Variants in MYO7B observed in about 807,000 individuals in gnomAD.
MYO7B encodes the protein unconventional myosin-VIIb.
A neutral mutation model predicts 259.7 loss-of-function variants in MYO7B; 212 were observed. That is an observed-to-expected ratio of 0.82 (90% CI 0.73 to 0.91). MYO7B has a LOEUF of 0.91. Ranked by LOEUF, MYO7B falls within the 40% of genes least tolerant of loss-of-function variation. MYO7B has a pLI of 0.00. For synonymous variants in MYO7B, 1,197 were observed against 1,166.4 expected (o/e 1.03, Z -0.54); for missense variants, 2,732 against 2,813.5 (o/e 0.97, Z 0.66).
intron 24 of MYO7B, 85 bp from the exon 25 acceptor site, chr2:127,612,165 G>T: frequency 2.0e-6 from 1 of 503,068 alleles, no homozygotes; most frequent in South Asian, 1.5e-5. Context: ...AAAGGGACAC[G>T]TGCTCCACCC....
intron 2 of MYO7B, among the ~76,000 whole-genome samples, chr2:127,562,442 G>A (rs921035433): frequency 6.1e-5 from 9 of 147,468 alleles, no homozygotes; most frequent in East Asian, 4.0e-4. Flanking sequence ...GATTACAGGC[G>A]CCCACCACCA....
chr2:127,600,115 AT>A (rs1161208875), intron 19 of MYO7B, among the ~76,000 whole-genome samples: 1 of 152,170 alleles, frequency 6.6e-6, no homozygotes, highest in Admixed American at 6.5e-5. Context: ...TCCAGTGAAA[AT>A]ATCTGGGCCT....
intron 19 of MYO7B, 107 bp downstream of exon 19, chr2:127,596,663 T>A (rs1679782047): frequency 1.1e-6 from 1 of 890,700 alleles, no homozygotes; most frequent in Non-Finnish European, 1.8e-6. Context: ...GGGCCCTCCC[T>A]GGGGTTACTG....
In MYO7B at chr2:127,559,612, G is replaced by T; in HGVS notation, c.-23-88G>T. On this transcript the variant is annotated intron_variant, in intron 1 of 47. Transcript: ENST00000409816. This position sits in a 1 kb window ranked among gnomAD's most constrained non-coding sequence, Gnocchi z 4.1. ...TCCCATGCCGGGCACTTAGGGAAGT[G>T]TTGGTGAACAAGCCCAGCTCCTGTG... 3 of 1,233,272 alleles carry T rather than the reference G, an allele frequency of 2.4e-6. No individual in the cohort carries two copies. The highest frequency in any genetic ancestry group is 2.3e-5 in the East Asian group (1 of 42,912). The allele number at this position is 1,233,272 out of a possible 1,614,324, so 76.4% of individuals were successfully genotyped here. A position where few individuals can be genotyped will look rare whatever the true frequency, so the allele number is the denominator to read the frequency against.
intron 1 of MYO7B, among the ~76,000 whole-genome samples, chr2:127,548,190 T>C (rs1693311405): frequency 1.3e-5 from 2 of 152,190 alleles, no homozygotes; most frequent in South Asian, 4.1e-4. Context: ...AATTTGTGTC[T>C]TCTCTTTGCT....
At chr2:127,587,524 CTCTGTGTGTG>C (rs1271611509) in intron 14 of MYO7B, among the ~76,000 whole-genome samples, 1 of 151,672 alleles carries the variant, frequency 6.6e-6, no homozygotes, top group African/African-American at 2.4e-5. Context: ...CCTTCCTTCT[CTCTGTGTGTG>C]TCTGTGTCCT....
chr2:127,637,111 T>G, intron 47 of MYO7B, 198 bp downstream of exon 47: 1 of 1,066,078 alleles, frequency 9.4e-7, no homozygotes, highest in Non-Finnish European at 1.4e-6. Flanking sequence ...CGGGACCCCC[T>G]GCGCCCTTGG....
rs1681922584 is a variant in MYO7B at position 127,637,561 on chromosome 2, G to A, written c.*144G>A. On this transcript the variant is annotated 3_prime_UTR_variant, in exon 48 of 48. Coordinates refer to ENST00000409816, the MANE Select transcript of MYO7B (RefSeq NM_001393586.1). ...ATACAAAGCCCACTCAGCCCCGCAGGCGGCCCCCTCTGTCCTGGGCGCTGC... is the reference window on the plus strand; with the variant it reads ...ATACAAAGCCCACTCAGCCCCGCAGACGGCCCCCTCTGTCCTGGGCGCTGC... 2 of 636,222 alleles carry A rather than the reference G, an allele frequency of 3.1e-6. No individual in the cohort carries two copies. Among genetic ancestry groups the A allele is most frequent in the East Asian group, 5.6e-5 (2 of 35,472 alleles). 39.4% of individuals were successfully genotyped at this position (636,222 alleles called of 1,614,324 possible).
At chr2:127,574,446 A>G (rs572982056) in intron 7 of MYO7B, among the ~76,000 whole-genome samples, 1 of 152,348 alleles carries the variant, frequency 6.6e-6, no homozygotes, top group South Asian at 2.1e-4. Context: ...AAGCTGAGGC[A>G]TGAGAATTGC....
In MYO7B at chr2:127,631,320, C is replaced by G. The variant is rs201376272; in HGVS notation, c.5052C>G (p.His1684Gln). 10 of 1,611,766 alleles carry G rather than the reference C, an allele frequency of 6.2e-6. No homozygotes were observed. Among genetic ancestry groups the G allele is most frequent in the Admixed American group, 1.7e-5 (1 of 59,958 alleles). Residue 1684 changes from histidine (H) to glutamine (Q), a missense_variant, in exon 37 of 48, where the codon CAC becomes CAG. By Grantham distance (24) the His-to-Gln change is conservative. Around this residue, in one of 3 missense-constraint regions of MYO7B, gnomAD observed 821 missense variants for 769.3 expected, o/e 1.07. Coordinates refer to ENST00000409816, the MANE Select transcript of MYO7B (RefSeq NM_001393586.1). ...GACAGCCGCTGCTCAAGCGAGTCCA[C>G]GCCAACGTCGACCTCTGGGACATCG... ...PLRQPLLKRVHANVDLWDIAC... is the reference protein window; with the variant it reads ...PLRQPLLKRVQANVDLWDIAC...
In MYO7B at chr2:127,592,918, T is replaced by C. The variant is rs1679621945; in HGVS notation, c.2117T>C (p.Val706Ala). Residue 706 changes from valine (V) to alanine (A), a missense_variant, in exon 17 of 48, where the codon GTG (valine) becomes GCG (alanine). Val to Ala is a moderately conservative substitution (Grantham distance 64). Around this residue, in one of 3 missense-constraint regions of MYO7B, gnomAD observed 1,906 missense variants for 2,026.4 expected, o/e 0.94. Coordinates refer to ENST00000409816, the MANE Select transcript of MYO7B (RefSeq NM_001393586.1). ...GAGGAGTTCTCGCAGAGGTTCGGCG[T>C]GTTGCTGCCCAACGCCATGCGGATG... is the stretch of plus-strand genomic sequence containing the variant. ...TFEEFSQRFG[V>A]LLPNAMRMQL... The C allele has an allele frequency of 6.2e-7, 1 of 1,603,246 alleles. No individual in the cohort carries two copies.
intron 1 of MYO7B, among the ~76,000 whole-genome samples, chr2:127,554,999 A>G (rs945070543): frequency 6.9e-6 from 1 of 145,842 alleles, no homozygotes; most frequent in Non-Finnish European, 1.5e-5. Context: ...CCCAGGCTGG[A>G]GCACAGTGGC....
At position 127,609,577 on chromosome 2, in the gene MYO7B, G is replaced by A. The variant is rs1266471112; in HGVS notation, c.2886G>A (p.Glu962=). 43 of 1,613,880 alleles carry A rather than the reference G, an allele frequency of 2.7e-5. No homozygotes were observed. Among genetic ancestry groups the A allele is most frequent in the Non-Finnish European group, 3.6e-5 (42 of 1,179,894 alleles). Reference sequence around the variant, plus strand: ...CAGTCCCCATGGCGGAGGAGCCTGAGGAGGATGTGGATGGCCTGGCCGAGT... The same window carrying A: ...CAGTCCCCATGGCGGAGGAGCCTGAAGAGGATGTGGATGGCCTGGCCGAGT... The part of the protein sequence containing the change: ...LDTVPMAEEP[E]EDVDGLAEYT... Residue 962 remains glutamate, a synonymous_variant, in exon 23 of 48, where the codon GAG becomes GAA. Transcript: ENST00000409816. This position sits in a 1 kb window ranked among gnomAD's most constrained non-coding sequence, Gnocchi z 6.9.
chr2:127,635,063 T>TGG, intron 42 of MYO7B, 57 bp from the exon 43 acceptor site: 1 of 1,426,024 alleles, frequency 7.0e-7, no homozygotes, highest in Non-Finnish European at 9.7e-7. Context: ...TGGCAGGGGG[T>TGG]CAGGGCTGGT....
At chr2:127,630,133 T>C (rs1225887988) in intron 35 of MYO7B, among the ~76,000 whole-genome samples, 20 of 152,124 alleles carry the variant, frequency 1.3e-4, no homozygotes, top group Admixed American at 1.3e-3. Flanking sequence ...CTCAAGTCTC[T>C]CCCTGCACAA....
At chr2:127,635,295 A>G (rs1230602181) in intron 43 of MYO7B, 69 bp downstream of exon 43, 2 of 1,435,464 alleles carry the variant, frequency 1.4e-6, no homozygotes, top group African/African-American at 2.8e-5. Flanking sequence ...CTGAGGCTGT[A>G]GAAGCCAGCA....
chr2:127,564,287 T>C (rs1205090930), intron 3 of MYO7B, 21 bp downstream of exon 3: 2 of 1,533,898 alleles, frequency 1.3e-6, no homozygotes, highest in Non-Finnish European at 1.8e-6. Context: ...TGGGGTTTCC[T>C]CTGGGCCCTG....
At position 127,635,921 on chromosome 2, in the gene MYO7B, C is replaced by T; in HGVS notation, c.6006+14C>T. On this transcript the variant is annotated intron_variant, in intron 44 of 47. Coordinates refer to ENST00000409816, the MANE Select transcript of MYO7B (RefSeq NM_001393586.1). The stretch of plus-strand genomic sequence containing the variant: ...GAGTGGAAAAAGGTCCCTGGTCGGG[C>T]TGGGGAAGGGTTCTTGTGCTGCTGC... The T allele has an allele frequency of 1.3e-6, 2 of 1,557,812 alleles. No individual in the cohort carries two copies. The highest frequency in any genetic ancestry group is 1.7e-6 in the Non-Finnish European group (2 of 1,150,906).
chr2:127,548,771 T>C (rs1324981364), intron 1 of MYO7B, among the ~76,000 whole-genome samples: 3 of 152,224 alleles, frequency 2.0e-5, no homozygotes, highest in Admixed American at 6.5e-5. Flanking sequence ...ACTTGTTTCA[T>C]TGGATTCCAC....
Sources: gnomAD v4.1 joint callset for allele counts (sites outside exome capture counted in the v4.1 genomes callset) on GRCh38, gnomAD v4.1.1 for gene constraint, gnomAD v4.1.1 regional missense constraint, Gnocchi (gnomAD v3.1) non-coding constraint, MANE v1.5 for transcripts, NCBI Gene and HGNC (gene_info 2026-07-23, HGNC 2026-07-21) for gene names.